The following ABL2 variants were observed in gnomAD, a reference collection of about 807,000 sequenced individuals.
ABL2 encodes the protein ABL proto-oncogene 2, non-receptor tyrosine kinase.
ABL2 carries 49 observed loss-of-function variants against 107.7 expected under a neutral mutation model. The observed-to-expected ratio is 0.45, with a 90% CI of 0.36 to 0.58. The LOEUF is 0.58. ABL2 is among the 20% of genes least tolerant of loss of function. The pLI, the probability that ABL2 is intolerant of heterozygous loss-of-function variation, is 0.00. For synonymous variants in ABL2, 549 were observed against 548.6 expected (o/e 1.00, Z -0.01); for missense variants, 1,245 against 1,457.0 (o/e 0.85, Z 2.37).
chr1:179,124,069 G>A (rs527701229), intron 4 of ABL2, among the ~76,000 whole-genome samples: 3 of 151,898 alleles, frequency 2.0e-5, no homozygotes, highest in Non-Finnish European at 2.9e-5. Flanking sequence ...GTGAAACACC[G>A]TCTCTACTAA....
At chr1:179,183,748 A>G (rs1660516680) in intron 1 of ABL2, 1 of 152,690 alleles carries the variant, frequency 6.5e-6, no homozygotes, top group African/African-American at 2.4e-5. Flanking sequence ...GGAGCAGGGG[A>G]AAAGATCACT....
At chr1:179,165,021 GGTGAAT>G (rs1232841071) in intron 1 of ABL2, among the ~76,000 whole-genome samples, 1 of 152,174 alleles carries the variant, frequency 6.6e-6, no homozygotes, top group African/African-American at 2.4e-5. Flanking sequence ...GTAGAAGTTA[GGTGAAT>G]GTGATCTATG....
intron 1 of ABL2, among the ~76,000 whole-genome samples, chr1:179,169,573 A>T (rs1659598689): frequency 6.6e-6 from 1 of 151,848 alleles, no homozygotes; most frequent in African/African-American, 2.4e-5. Flanking sequence ...AAAGACTAAG[A>T]GACATTAAAC....
intron 1 of ABL2, among the ~76,000 whole-genome samples, chr1:179,203,430 G>A (rs2102850677): frequency 6.6e-6 from 1 of 152,140 alleles, no homozygotes; most frequent in East Asian, 1.9e-4. Context: ...AGTACAGACT[G>A]CCCTCTCACT....
chr1:179,100,401 A>T lies in ABL2; in HGVS notation c.*7317T>A. ...CACTAAAGCGTTCCCAGTCCTGCAAAACCTTCTGAAACAACAATAAATTTG... is the reference window on the plus strand; with the variant it reads ...CACTAAAGCGTTCCCAGTCCTGCAATACCTTCTGAAACAACAATAAATTTG... On this transcript the variant is annotated 3_prime_UTR_variant, in exon 12 of 12. Coordinates refer to ENST00000502732, the MANE Select transcript of ABL2 (RefSeq NM_007314.4). 4.4e-6 allele frequency: 1 copy of T among 226,952 alleles called. No individual in the cohort carries two copies. Among genetic ancestry groups the T allele is most frequent in the Non-Finnish European group, 8.8e-6 (1 of 114,198 alleles). The allele number at this position is 226,952 out of a possible 1,614,324, so 14.1% of individuals were successfully genotyped here.
Position 179,106,845 on chromosome 1 carries a change from T to C in ABL2, c.*873A>G, listed in dbSNP as rs1031150246. The C allele has an allele frequency of 4.3e-6, 1 of 231,224 alleles. No homozygotes were observed. Among genetic ancestry groups the C allele is most frequent in the African/African-American group, 2.2e-5 (1 of 45,212 alleles). The allele number at this position is 231,224 out of a possible 1,614,324, so 14.3% of individuals were successfully genotyped here. On this transcript the variant is annotated 3_prime_UTR_variant, in exon 12 of 12. Transcript: ENST00000502732. Reference sequence around the variant, plus strand: ...CCTGTAGGGACTACTATTTTCAAAATCAACACTGGTTAATGCTCTGAATGC... The same window carrying C: ...CCTGTAGGGACTACTATTTTCAAAACCAACACTGGTTAATGCTCTGAATGC...
chr1:179,156,369 T>A (rs1658690681), intron 1 of ABL2, among the ~76,000 whole-genome samples: 2 of 152,196 alleles, frequency 1.3e-5, no homozygotes, highest in Admixed American at 6.5e-5. Context: ...GTGTTAGAAG[T>A]AAGAAGGAGA....
intron 1 of ABL2, among the ~76,000 whole-genome samples, chr1:179,144,566 TCAATATA>T (rs1405494485): frequency 6.6e-6 from 1 of 152,164 alleles, no homozygotes; most frequent in Non-Finnish European, 1.5e-5. Flanking sequence ...CTGTTCTAGG[TCAATATA>T]AGTAACAGGG....
intron 1 of ABL2, among the ~76,000 whole-genome samples, chr1:179,190,262 A>G (rs1256057551): frequency 6.6e-6 from 1 of 152,098 alleles, no homozygotes; most frequent in African/African-American, 2.4e-5. Flanking sequence ...GGATTTCCAC[A>G]ACCCCCTCCT....
rs752442771 is a variant in ABL2 at position 179,112,412 on chromosome 1, GA to G, written c.1562-15del. The G allele has an allele frequency of 6.2e-7, 1 of 1,605,044 alleles. No homozygotes were observed. Among genetic ancestry groups the G allele is most frequent in the South Asian group, 1.1e-5 (1 of 90,374 alleles). The stretch of plus-strand genomic sequence containing the variant: ...TCCACTTCCAGCCTATGTAACAGAA[GA>G]AAAAATATTAAAAACTCCTTGCAGA... On this transcript the variant is annotated splice_polypyrimidine_tract_variant and intron_variant, in intron 9 of 11. Coordinates refer to ENST00000502732, the MANE Select transcript of ABL2 (RefSeq NM_007314.4).
intron 3 of ABL2, among the ~76,000 whole-genome samples, chr1:179,127,270 T>C (rs563573638): frequency 3.3e-5 from 5 of 152,104 alleles, no homozygotes; most frequent in Non-Finnish European, 7.4e-5. Flanking sequence ...GTGAGGGGAA[T>C]GGGCAGTTAG....
chr1:179,124,713 C>T (rs1221629651), intron 4 of ABL2, among the ~76,000 whole-genome samples: 2 of 152,044 alleles, frequency 1.3e-5, no homozygotes, highest in Non-Finnish European at 2.9e-5. Flanking sequence ...TGAGGCCCAC[C>T]TCGGCCTCCC....
At chr1:179,217,890 T>C (rs1662661922) in intron 1 of ABL2, among the ~76,000 whole-genome samples, 3 of 152,212 alleles carry the variant, frequency 2.0e-5, no homozygotes, top group South Asian at 2.1e-4. Context: ...TACATACATA[T>C]GTATAACTAC....
At chr1:179,191,239 T>G (rs1422865683) in intron 1 of ABL2, among the ~76,000 whole-genome samples, 1 of 152,184 alleles carries the variant, frequency 6.6e-6, no homozygotes, top group Non-Finnish European at 1.5e-5. Flanking sequence ...GGGTAAGGAT[T>G]ATAAACCCAA....
In ABL2 at chr1:179,133,422, A is replaced by G. The variant is rs746818446; in HGVS notation, c.158-48T>C. 6.8e-6 allele frequency: 11 copies of G among 1,613,660 alleles called. No homozygotes were observed. The African/African-American group carries it at 1.2e-4, about 18-fold the overall frequency. On this transcript the variant is annotated intron_variant, in intron 1 of 11. Coordinates refer to ENST00000502732, the MANE Select transcript of ABL2 (RefSeq NM_007314.4). ...ACGTCACTTTTCTTAAGCTTCTTCAATAGTTTAACATCAAGCTAAAGTCTC... is the reference window on the plus strand; with the variant it reads ...ACGTCACTTTTCTTAAGCTTCTTCAGTAGTTTAACATCAAGCTAAAGTCTC...
At chr1:179,111,791 C>A (rs1352271224) in intron 10 of ABL2, among the ~76,000 whole-genome samples, 5 of 152,172 alleles carry the variant, frequency 3.3e-5, no homozygotes, top group Admixed American at 3.3e-4. Context: ...CACATGTAAT[C>A]CCAGCACTTT....
At position 179,143,442 on chromosome 1, in the gene ABL2, C is replaced by G. The variant is rs80119950; in HGVS notation, c.158-10068G>C. On this transcript the variant is annotated intron_variant, in intron 1 of 11. Coordinates refer to ENST00000502732, the MANE Select transcript of ABL2 (RefSeq NM_007314.4). ...AGTTTCCTTGGAGAAAATCTGTTTA[C>G]AATAAAACACGAAATACACTTTTAA... Among the ~76,000 whole-genome samples the G allele has an allele frequency of 6.6e-3, 998 of 152,208 alleles. 8 individuals carry two copies. The highest frequency in any genetic ancestry group is 0.02 in the Middle Eastern group (6 of 294).
chr1:179,139,140 G>C (rs1657331037), intron 1 of ABL2, among the ~76,000 whole-genome samples: 2 of 152,142 alleles, frequency 1.3e-5, no homozygotes, highest in Admixed American at 1.3e-4. Flanking sequence ...CCACACTGTG[G>C]AAGCTTTGTT....
intron 2 of ABL2, among the ~76,000 whole-genome samples, chr1:179,131,813 G>A (rs28914517): frequency 2.1e-3 from 326 of 152,310 alleles, no homozygotes; most frequent in African/African-American, 7.5e-3. Flanking sequence ...AAGAGAAATG[G>A]TTACTAGCTT....
Sources: gnomAD v4.1 joint callset for allele counts (sites outside exome capture counted in the v4.1 genomes callset) on GRCh38, gnomAD v4.1.1 for gene constraint, MANE v1.5 for transcripts, NCBI Gene and HGNC (gene_info 2026-07-23, HGNC 2026-07-21) for gene names.